Variants in PYHIN1 observed in about 807,000 individuals in gnomAD.
The protein encoded by PYHIN1 is pyrin and HIN domain family member 1.
PYHIN1 carries 32 observed loss-of-function variants against 43.7 expected under a neutral mutation model. That is an observed-to-expected ratio of 0.73 (90% CI 0.55 to 0.98). The LOEUF (loss-of-function observed/expected upper bound fraction) is 0.98. Among genes scored for constraint, PYHIN1 ranks in the 50% least tolerant of loss-of-function variants. The probability of loss-of-function intolerance (pLI) is 0.00; values close to 1 mark genes in which losing one functional copy is unlikely to be tolerated. For synonymous variants in PYHIN1, 205 were observed against 203.1 expected (o/e 1.01, Z -0.08); for missense variants, 588 against 589.5 (o/e 1.00, Z 0.03).
the PYHIN1 span, among the ~76,000 whole-genome samples, chr1:158,989,981 G>A: frequency 0.13 from 19,488 of 151,072 alleles, 1,371 homozygotes; most frequent in African/African-American, 0.16. Context: ...AGATTCTCTG[G>A]TAGCTATTAA....
chr1:158,979,353 T>C (rs1161108397), downstream of PYHIN1, among the ~76,000 whole-genome samples: 1 of 152,186 alleles, frequency 6.6e-6, no homozygotes, highest in Non-Finnish European at 1.5e-5. Flanking sequence ...TCTGCTCCTG[T>C]AAGTTTGGCT....
intron 6 of PYHIN1, 89 bp downstream of exon 6, chr1:158,944,067 C>T: frequency 9.0e-7 from 1 of 1,109,836 alleles, no homozygotes. Context: ...TTGTTTTACA[C>T]TTAAAATTCT....
chr1:158,944,891 A>C lies in PYHIN1; in HGVS notation c.1208A>C (p.Asn403Thr), dbSNP rs2101664322. The C allele has an allele frequency of 6.3e-7, 1 of 1,579,354 alleles. No individual in the cohort carries two copies. The highest frequency in any genetic ancestry group is 1.2e-5 in the South Asian group (1 of 84,482). Reference sequence around the variant, plus strand: ...TACTTTCAGATACAGAAAAATACAAACCAGAGAAGCCATGACTCCAGGAGC... The same window carrying C: ...TACTTTCAGATACAGAAAAATACAACCCAGAGAAGCCATGACTCCAGGAGC... ...HSFIQIQKNT[N>T]QRSHDSRSMA... The change falls in exon 7 of 9, where the codon AAC becomes ACC. Residue 403 changes from asparagine (N) to threonine (T), a missense_variant. Coordinates refer to ENST00000368140, the MANE Select transcript of PYHIN1 (RefSeq NM_152501.5).
At chr1:158,989,943 G>A in the PYHIN1 span, among the ~76,000 whole-genome samples, 1 of 151,668 alleles carries the variant, frequency 6.6e-6, no homozygotes, top group Middle Eastern at 3.2e-3. Flanking sequence ...TTTGTTTTTA[G>A]TTTCCTCTTT....
intron 7 of PYHIN1, among the ~76,000 whole-genome samples, chr1:158,960,148 A>G (rs1232556767): frequency 6.6e-6 from 1 of 152,192 alleles, no homozygotes; most frequent in Non-Finnish European, 1.5e-5. Flanking sequence ...CTTAGTTTTA[A>G]TTAACTATAT....
intron 7 of PYHIN1, among the ~76,000 whole-genome samples, chr1:158,954,570 C>G (rs901970083): frequency 2.6e-5 from 4 of 151,492 alleles, no homozygotes; most frequent in Non-Finnish European, 5.9e-5. Context: ...TTGTCACCAC[C>G]AGGCCTGCCT....
downstream of PYHIN1, among the ~76,000 whole-genome samples, chr1:158,977,273 C>T (rs368892831): frequency 3.3e-5 from 5 of 152,140 alleles, no homozygotes; most frequent in Admixed American, 2.6e-4. Flanking sequence ...GTTGCAAGCA[C>T]TGTGTCCTGG....
the PYHIN1 span, among the ~76,000 whole-genome samples, chr1:158,990,155 G>T: frequency 6.7e-6 from 1 of 149,442 alleles, no homozygotes; most frequent in Admixed American, 6.6e-5. Flanking sequence ...TGAGACAGAA[G>T]AGGATAAGAG....
At chr1:158,990,577 G>T in the PYHIN1 span, among the ~76,000 whole-genome samples, 1 of 151,922 alleles carries the variant, frequency 6.6e-6, no homozygotes, top group Non-Finnish European at 1.5e-5. Context: ...TTCATCTTTA[G>T]CTATAGTCAC....
At chr1:158,985,894 G>A in the PYHIN1 span, among the ~76,000 whole-genome samples, 1 of 152,028 alleles carries the variant, frequency 6.6e-6, no homozygotes, top group African/African-American at 2.4e-5. Context: ...TTGATTTGAA[G>A]AACTGATCTT....
downstream of PYHIN1, among the ~76,000 whole-genome samples, chr1:158,981,232 G>A (rs921014873): frequency 2.6e-5 from 4 of 152,180 alleles, no homozygotes; most frequent in African/African-American, 9.7e-5. Flanking sequence ...TACTTTGGGA[G>A]GCTGAGGTGG....
chr1:158,937,951 A>AG (rs1648663165), intron 2 of PYHIN1, among the ~76,000 whole-genome samples: 1 of 152,024 alleles, frequency 6.6e-6, no homozygotes, highest in Non-Finnish European at 1.5e-5. Flanking sequence ...TCTCAAAAAA[A>AG]AAAAAAAAGA....
At chr1:158,934,666 T>A (rs1230812633) in intron 1 of PYHIN1, among the ~76,000 whole-genome samples, 2 of 152,264 alleles carry the variant, frequency 1.3e-5, no homozygotes, top group East Asian at 3.8e-4. Context: ...AATTTAAATA[T>A]CTAAATTACA....
At chr1:158,950,248 A>G (rs1046889780) in intron 7 of PYHIN1, among the ~76,000 whole-genome samples, 1 of 152,224 alleles carries the variant, frequency 6.6e-6, no homozygotes, top group Admixed American at 6.5e-5. Flanking sequence ...TTTGCAATGT[A>G]CAACAGAAAG....
rs1442984087 is a variant in PYHIN1 at position 158,937,460 on chromosome 1, CAA to C, written c.265+288_265+289del. Among the ~76,000 whole-genome samples, 3 of 152,208 alleles carry C rather than the reference CAA, an allele frequency of 2.0e-5. No homozygotes were observed. The East Asian group carries it at 5.8e-4, about 29-fold the overall frequency. Reference sequence around the variant, plus strand: ...GTACATTCGAAAGATTACATAATGACAAAATAAAATTATAAAAATTGTTGTTT... The same window carrying C: ...GTACATTCGAAAGATTACATAATGACAATAAAATTATAAAAATTGTTGTTT... On this transcript the variant is annotated intron_variant, in intron 2 of 8. Coordinates refer to ENST00000368140, the MANE Select transcript of PYHIN1 (RefSeq NM_152501.5).
At chr1:158,948,560 A>G (rs1649349745) in intron 7 of PYHIN1, among the ~76,000 whole-genome samples, 3 of 152,196 alleles carry the variant, frequency 2.0e-5, no homozygotes, top group African/African-American at 7.2e-5. Flanking sequence ...GTAGTGCAAG[A>G]ATCTTTTGAT....
rs922055906 is a variant in PYHIN1, at chr1:158,942,072, A to T, written c.675A>T (p.Val225=). The part of the protein sequence containing the change: ...IIAMVLNATK[V]FKYESSENEQ... ...CGATGGTACTAAATGCAACAAAAGT[A>T]TTTAAATATGAATCCTCAGAAAATG... is the stretch of plus-strand genomic sequence containing the variant. The change falls in exon 5 of 9, where the codon GTA becomes GTT. Residue 225 remains valine, a synonymous_variant. Coordinates refer to ENST00000368140, the MANE Select transcript of PYHIN1 (RefSeq NM_152501.5). 1 of 1,614,026 alleles carries T rather than the reference A, an allele frequency of 6.2e-7. No homozygotes were observed. The highest frequency in any genetic ancestry group is 1.3e-5 in the African/African-American group (1 of 74,952).
At chr1:158,963,458 G>C (rs760265982) in intron 7 of PYHIN1, among the ~76,000 whole-genome samples, 7 of 152,052 alleles carry the variant, frequency 4.6e-5, no homozygotes, top group Non-Finnish European at 7.3e-5. Flanking sequence ...CCTTCAAGCT[G>C]GCGAGGGAAC....
downstream of PYHIN1, among the ~76,000 whole-genome samples, chr1:158,978,372 G>A (rs1447193191): frequency 6.6e-6 from 1 of 151,906 alleles, no homozygotes; most frequent in Non-Finnish European, 1.5e-5. Flanking sequence ...TTCCTCATGT[G>A]CAGTGAAAAA....
Sources: allele counts gnomAD v4.1 joint callset (sites outside exome capture counted in the v4.1 genomes callset), GRCh38; gene constraint gnomAD v4.1.1; transcripts MANE v1.5; gene names NCBI Gene and HGNC (gene_info 2026-07-23, HGNC 2026-07-21).